LRRC37A2: variants seen among roughly 807,000 people sequenced by gnomAD.
LRRC37A2 encodes the protein leucine-rich repeat-containing protein 37A2.
LRRC37A2 carries 9 observed loss-of-function variants against 68.8 expected under a neutral mutation model. That is an observed-to-expected ratio of 0.13 (90% CI 0.08 to 0.23). LRRC37A2 has a LOEUF of 0.23. LRRC37A2 is among the 10% of genes least tolerant of loss of function. The probability of loss-of-function intolerance (pLI) is 1.00; values close to 1 mark genes in which losing one functional copy is unlikely to be tolerated. For missense variants in LRRC37A2, 168 were observed against 950.4 expected, an observed-to-expected ratio of 0.18 and a Z score of 10.82; for synonymous variants, 63 against 367.6, an observed-to-expected ratio of 0.17 and a Z score of 9.48.
At chr17:46,676,261 T>G in the LRRC37A2 span, among the ~76,000 whole-genome samples, 1 of 147,732 alleles carries the variant, frequency 6.8e-6, no homozygotes, top group Non-Finnish European at 1.5e-5. Context: ...AGATGGAGTT[T>G]TGCTCTTGTT....
the LRRC37A2 span, among the ~76,000 whole-genome samples, chr17:46,928,510 T>A: frequency 1.3e-5 from 2 of 152,076 alleles, no homozygotes; most frequent in Non-Finnish European, 2.9e-5. Context: ...CGAGGACTGA[T>A]CATGGAGGAC....
the LRRC37A2 span, among the ~76,000 whole-genome samples, chr17:46,773,048 C>T: frequency 1.3e-5 from 2 of 152,130 alleles, no homozygotes; most frequent in African/African-American, 2.4e-5. Flanking sequence ...CCTCCCAGGG[C>T]CTGCAGGTTC....
chr17:46,971,144 C>T, the LRRC37A2 span, among the ~76,000 whole-genome samples: 6 of 152,062 alleles, frequency 3.9e-5, no homozygotes, highest in Admixed American at 2.6e-4. Flanking sequence ...TTGAGACCAG[C>T]GTGGCCGACA....
At chr17:46,488,955 C>T in the LRRC37A2 span, among the ~76,000 whole-genome samples, 1 of 102,750 alleles carries the variant, frequency 9.7e-6, no homozygotes, top group Admixed American at 9.6e-5. Flanking sequence ...AAAGATTTGT[C>T]GTAAGAATTC....
chr17:46,886,109 T>C, the LRRC37A2 span: 1 of 152,452 alleles, frequency 6.6e-6, no homozygotes, highest in African/African-American at 2.4e-5. Flanking sequence ...CCTCCAGCGC[T>C]TCAGAGGATG....
chr17:46,778,480 G>A, the LRRC37A2 span, among the ~76,000 whole-genome samples: 365 of 152,298 alleles, frequency 2.4e-3, 2 homozygotes, highest in South Asian at 0.024. Context: ...GTGGCCATGG[G>A]ATTGATTTCT....
chr17:46,768,303 G>T, the LRRC37A2 span: 1 of 1,613,088 alleles, frequency 6.2e-7, no homozygotes, highest in Middle Eastern at 1.7e-4. The surrounding 1 kb of genome is among the most constrained non-coding windows in gnomAD (Gnocchi z 5.0). Flanking sequence ...CTGCTTCCCG[G>T]AGCCCTACCT....
At chr17:46,993,207 A>G in the LRRC37A2 span, among the ~76,000 whole-genome samples, 7 of 152,234 alleles carry the variant, frequency 4.6e-5, no homozygotes, top group African/African-American at 7.2e-5. Context: ...CAAAACTACA[A>G]AGAGGAGCAT....
At chr17:46,781,494 A>C in the LRRC37A2 span, among the ~76,000 whole-genome samples, 1 of 152,320 alleles carries the variant, frequency 6.6e-6, no homozygotes, top group Non-Finnish European at 1.5e-5. Context: ...CAGCAACCAG[A>C]CACATAAGGA....
the LRRC37A2 span, among the ~76,000 whole-genome samples, chr17:46,794,875 C>T: frequency 2.0e-5 from 3 of 151,712 alleles, no homozygotes; most frequent in African/African-American, 4.8e-5. Context: ...CTCAGCCTTC[C>T]GAGTAGCTGG....
chr17:46,905,809 TGTGTGC>T, the LRRC37A2 span, among the ~76,000 whole-genome samples: 1,312 of 112,982 alleles, frequency 0.012, 11 homozygotes, highest in African/African-American at 0.025. Flanking sequence ...TGTGTGTGTG[TGTGTGC>T]GTTTGTTGGG....
the LRRC37A2 span, among the ~76,000 whole-genome samples, chr17:46,883,429 C>T: frequency 3.1e-3 from 467 of 150,846 alleles, 8 homozygotes; most frequent in Admixed American, 0.026. Flanking sequence ...GGATTACAGG[C>T]GCCTACCCCA....
the LRRC37A2 span, among the ~76,000 whole-genome samples, chr17:46,711,298 G>A: frequency 4.6e-5 from 7 of 152,156 alleles, no homozygotes; most frequent in African/African-American, 1.4e-4. Context: ...TTTTCTTGGG[G>A]TAGAATGTTA....
At chr17:46,765,889 G>A in the LRRC37A2 span, among the ~76,000 whole-genome samples, 1 of 152,248 alleles carries the variant, frequency 6.6e-6, no homozygotes, top group African/African-American at 2.4e-5. Context: ...CAGCGAGGCA[G>A]AAGAGCTGGC....
the LRRC37A2 span, among the ~76,000 whole-genome samples, chr17:46,784,777 C>CT: frequency 4.0e-4 from 52 of 129,284 alleles, no homozygotes; most frequent in Admixed American, 1.8e-3. Context: ...TTTTGCTTTT[C>CT]TTTTTTTTTT....
At chr17:46,772,150 C>T in the LRRC37A2 span, among the ~76,000 whole-genome samples, 3 of 152,166 alleles carry the variant, frequency 2.0e-5, no homozygotes, top group South Asian at 4.1e-4. Context: ...GGTTCAAGGT[C>T]CGGGCTCTGG....
the LRRC37A2 span, chr17:47,024,752 G>T: frequency 2.5e-6 from 2 of 811,838 alleles, no homozygotes; most frequent in Non-Finnish European, 4.4e-6. Context: ...TCCAGTATTT[G>T]TAAGTTAGTT....
chr17:46,751,340 T>G, the LRRC37A2 span, among the ~76,000 whole-genome samples: 1 of 152,306 alleles, frequency 6.6e-6, no homozygotes, highest in African/African-American at 2.4e-5. Flanking sequence ...CCTAATGGGT[T>G]TAGGATGGTG....
chr17:46,897,648 G>A, the LRRC37A2 span, among the ~76,000 whole-genome samples: 1 of 152,050 alleles, frequency 6.6e-6, no homozygotes, highest in East Asian at 1.9e-4. Context: ...TTTATTTTTT[G>A]TTTTTTATTT....
Sources: allele counts gnomAD v4.1 joint callset (sites outside exome capture counted in the v4.1 genomes callset), GRCh38; gene constraint gnomAD v4.1.1; non-coding constraint Gnocchi (gnomAD v3.1); transcripts MANE v1.5; gene names NCBI Gene and HGNC (gene_info 2026-07-23, HGNC 2026-07-21).